PEBP4: variants seen among roughly 807,000 people sequenced by gnomAD.
PEBP4 encodes the protein phosphatidylethanolamine-binding protein 4.
In PEBP4, 22 loss-of-function variants were observed where a neutral mutation model predicts 23.9. The ratio of observed to expected loss-of-function variants is 0.92; its 90% CI spans 0.66 to 1.31. The LOEUF (loss-of-function observed/expected upper bound fraction) is 1.31, where lower values mean the gene tolerates loss of function less well. PEBP4 is among the 40% of genes most tolerant of loss of function. The pLI is 0.00. For missense variants in PEBP4, 324 were observed against 281.7 expected (o/e 1.15, Z -1.07); for synonymous variants, 112 against 99.3 (o/e 1.13, Z -0.76).
chr8:22,767,880 C>T (rs989515736), intron 4 of PEBP4, among the ~76,000 whole-genome samples: 1 of 152,132 alleles, frequency 6.6e-6, no homozygotes, highest in South Asian at 2.1e-4. Context: ...TCTGGGATTA[C>T]AGGCGCTGCC....
chr8:22,737,464 T>C (rs1396914014), intron 4 of PEBP4, among the ~76,000 whole-genome samples: 2 of 152,052 alleles, frequency 1.3e-5, no homozygotes, highest in African/African-American at 4.8e-5. Flanking sequence ...CTCGCCATGG[T>C]CTTTACGTGA....
rs567801434 is a variant in PEBP4 at position 22,904,856 on chromosome 8, CATTTT to C, written c.258+15323_258+15327del. On this transcript the variant is annotated intron_variant, in intron 3 of 6. Transcript: ENST00000256404. ...GGTACTTTTTCATATGGATAGAGCA[CATTTT>C]ATTTAACCAATCTATTGTTGAACAT... Among the ~76,000 whole-genome samples the C allele has an allele frequency of 9.9e-4, 151 of 152,270 alleles. 5 individuals carry two copies. The highest frequency in any genetic ancestry group is 3.4e-3 in the African/African-American group (140 of 41,552).
intron 3 of PEBP4, among the ~76,000 whole-genome samples, chr8:22,835,253 A>C (rs138492816): frequency 6.6e-6 from 1 of 152,348 alleles, no homozygotes; most frequent in African/African-American, 2.4e-5. Context: ...AGTTAAAAGC[A>C]TGGAAGTATT....
chr8:22,811,643 C>A (rs1442705631), intron 4 of PEBP4, among the ~76,000 whole-genome samples: 1 of 152,230 alleles, frequency 6.6e-6, no homozygotes, highest in Non-Finnish European at 1.5e-5. Flanking sequence ...GGGCTGTGGC[C>A]TGGGACGGCT....
intron 2 of PEBP4, chr8:22,924,784 C>T (rs1809287946): frequency 7.1e-6 from 7 of 985,340 alleles, no homozygotes; most frequent in Non-Finnish European, 8.4e-6. Context: ...CATTCTGCGA[C>T]TGAGCCCAGG....
Position 22,715,681 on chromosome 8 carries a change from G to A in PEBP4, c.518-2145C>T, listed in dbSNP as rs531722701. On this transcript the variant is annotated intron_variant, in intron 6 of 6. Transcript: ENST00000256404. ...CTGGGGCACTCGTGGTTCCTTTCCA[G>A]TCCCAAGTCGACAGCCCTGTGGTTC... 9.8e-5 allele frequency among the ~76,000 whole-genome samples: 15 copies of A among 152,314 alleles called. No homozygotes were observed. In the South Asian group the frequency reaches 3.1e-3, roughly 32 times the overall value.
chr8:22,744,554 C>T (rs1805071655), intron 4 of PEBP4: 1 of 152,282 alleles, frequency 6.6e-6, no homozygotes, highest in African/African-American at 2.4e-5. Context: ...TCCTCGTGCC[C>T]CTAACCAAGC....
chr8:22,878,659 G>T (rs1341157122), intron 3 of PEBP4, among the ~76,000 whole-genome samples: 18 of 152,132 alleles, frequency 1.2e-4, no homozygotes, highest in Admixed American at 1.2e-3. Flanking sequence ...TCTGCTACTG[G>T]CCAGCCTGAG....
rs543229804 is a variant in PEBP4, at chr8:22,873,823, C to T, written c.258+46361G>A. On this transcript the variant is annotated intron_variant, in intron 3 of 6. Coordinates refer to ENST00000256404, the MANE Select transcript of PEBP4 (RefSeq NM_144962.3). ...ACATGTGGAATATTGATCGGGAGGT[C>T]GGGGGGAGTCCCAGATCTTGATCTT... 7.9e-5 allele frequency among the ~76,000 whole-genome samples: 12 copies of T among 152,018 alleles called. No individual in the cohort carries two copies. In the South Asian group the frequency reaches 1.5e-3, roughly 18 times the overall value.
chr8:22,940,272 G>A (rs1486226364), intron 1 of PEBP4, among the ~76,000 whole-genome samples: 1 of 152,136 alleles, frequency 6.6e-6, no homozygotes, highest in East Asian at 1.9e-4. Context: ...TCAGAAGTAA[G>A]GCCTGCCTGA....
At chr8:22,861,436 T>A (rs1039402746) in intron 3 of PEBP4, among the ~76,000 whole-genome samples, 1 of 152,200 alleles carries the variant, frequency 6.6e-6, no homozygotes, top group African/African-American at 2.4e-5. Flanking sequence ...TCGCAAATGA[T>A]ACAACTGAGG....
At chr8:22,808,443 C>G (rs57664621) in intron 4 of PEBP4, among the ~76,000 whole-genome samples, 26,211 of 152,212 alleles carry the variant, frequency 0.17, 2,916 homozygotes, top group South Asian at 0.27. Context: ...ATGTTCTGGG[C>G]TAAGTGCTAA....
intron 4 of PEBP4, among the ~76,000 whole-genome samples, chr8:22,746,685 A>G (rs1351728224): frequency 6.6e-6 from 1 of 150,434 alleles, no homozygotes; most frequent in East Asian, 2.0e-4. Context: ...AGAGGACCTC[A>G]GCCTTCCATC....
At chr8:22,930,504 A>G (rs1809438693), upstream of PEBP4, among the ~76,000 whole-genome samples, 1 of 152,176 alleles carries the variant, frequency 6.6e-6, no homozygotes. Flanking sequence ...TACATGGAGT[A>G]TATAGAAGCT....
intron 4 of PEBP4, among the ~76,000 whole-genome samples, chr8:22,761,246 G>C (rs1297555828): frequency 6.6e-6 from 1 of 152,168 alleles, no homozygotes; most frequent in Non-Finnish European, 1.5e-5. Flanking sequence ...GTGTGTGTGT[G>C]TGTGTTTGTG....
chr8:22,762,944 C>T (rs1463120798), intron 4 of PEBP4, among the ~76,000 whole-genome samples: 1 of 152,138 alleles, frequency 6.6e-6, no homozygotes, highest in Non-Finnish European at 1.5e-5. Context: ...ACTCTTCCTA[C>T]ACAAGAACGA....
intron 3 of PEBP4, among the ~76,000 whole-genome samples, chr8:22,916,233 T>G (rs1032651467): frequency 3.3e-5 from 5 of 152,192 alleles, no homozygotes; most frequent in Non-Finnish European, 7.3e-5. Flanking sequence ...TGGCGAAATT[T>G]AAGGTGGAGA....
At chr8:22,826,978 C>G (rs970029921) in intron 3 of PEBP4, among the ~76,000 whole-genome samples, 1 of 152,186 alleles carries the variant, frequency 6.6e-6, no homozygotes, top group Non-Finnish European at 1.5e-5. Context: ...TTCTCTTTCA[C>G]TGATGCTGAG....
At chr8:22,728,174 G>A (rs1199191256) in intron 4 of PEBP4, among the ~76,000 whole-genome samples, 2 of 152,200 alleles carry the variant, frequency 1.3e-5, no homozygotes, top group African/African-American at 2.4e-5. Context: ...GGGAGGATGG[G>A]GGAGAGGTGG....
Sources: gnomAD v4.1 joint callset for allele counts (sites outside exome capture counted in the v4.1 genomes callset) on GRCh38, gnomAD v4.1.1 for gene constraint, MANE v1.5 for transcripts, NCBI Gene and HGNC (gene_info 2026-07-23, HGNC 2026-07-21) for gene names.